Variants in GABRG3 observed in about 807,000 individuals in gnomAD.
The protein encoded by GABRG3 is gamma-aminobutyric acid type A receptor subunit gamma3, also known as gamma-aminobutyric acid receptor subunit gamma-3.
Under a neutral mutation model 48.8 loss-of-function variants are expected in GABRG3, and 25 were observed. The observed-to-expected ratio is 0.51, with a 90% CI of 0.37 to 0.72. The LOEUF is 0.72. GABRG3 is among the 30% of genes least tolerant of loss of function. GABRG3 has a pLI of 0.00. For synonymous variants in GABRG3, 227 were observed against 217.6 expected, an observed-to-expected ratio of 1.04 and a Z score of -0.38; for missense variants, 394 against 577.9, an observed-to-expected ratio of 0.68 and a Z score of 3.26.
chr15:27,460,304 G>A (rs1338140896), intron 5 of GABRG3, among the ~76,000 whole-genome samples: 4 of 152,172 alleles, frequency 2.6e-5, no homozygotes, highest in Admixed American at 6.6e-5. Context: ...CATGCCACCC[G>A]TGTCCCTGCT....
At chr15:27,391,779 A>G (rs1005939126) in intron 5 of GABRG3, among the ~76,000 whole-genome samples, 10 of 152,210 alleles carry the variant, frequency 6.6e-5, no homozygotes, top group Admixed American at 5.9e-4. Context: ...CACAGTAATT[A>G]TTTTAAATTC....
chr15:27,200,711 A>T (rs1419559722), intron 3 of GABRG3, among the ~76,000 whole-genome samples: 1 of 152,204 alleles, frequency 6.6e-6, no homozygotes, highest in African/African-American at 2.4e-5. Flanking sequence ...CAGTGAAAGC[A>T]GCTGTAACTT....
chr15:27,197,068 G>A (rs571367887), intron 3 of GABRG3, among the ~76,000 whole-genome samples: 98 of 152,286 alleles, frequency 6.4e-4, no homozygotes, highest in African/African-American at 2.2e-3. Context: ...TGGATAGAAC[G>A]ATCCTTCTCA....
chr15:27,231,010 TGTG>T (rs1310636827), intron 3 of GABRG3, among the ~76,000 whole-genome samples: 1 of 33,120 alleles, frequency 3.0e-5, no homozygotes, highest in East Asian at 1.9e-3. Flanking sequence ...AACAGTAAAA[TGTG>T]TGTGTGTGTG....
intron 3 of GABRG3, among the ~76,000 whole-genome samples, chr15:27,097,336 A>G (rs977445808): frequency 6.6e-6 from 1 of 152,090 alleles, no homozygotes; most frequent in Non-Finnish European, 1.5e-5. Flanking sequence ...CTTGGGGCTT[A>G]GAAAGAGGGC....
intron 3 of GABRG3, among the ~76,000 whole-genome samples, chr15:27,308,894 T>C (rs1892879310): frequency 6.6e-6 from 1 of 150,432 alleles, no homozygotes; most frequent in Admixed American, 6.6e-5. Flanking sequence ...TAAACATGTT[T>C]ATATGAAAAC....
chr15:27,043,472 G>A (rs1300102927), intron 3 of GABRG3, among the ~76,000 whole-genome samples: 1 of 152,068 alleles, frequency 6.6e-6, no homozygotes, highest in East Asian at 1.9e-4. Flanking sequence ...CGTCAGAAGG[G>A]GCCAGCTCAC....
rs1891595610 is a variant in GABRG3 at position 27,538,339 on chromosome 15, G to C, written c.*5458G>C. ...TCAATGTTTTGAGTTAACCAAGTGG[G>C]CTTTTCAGATTAGGTTATTCAAGAG... On this transcript the variant is annotated 3_prime_UTR_variant, in exon 10 of 10. Transcript: ENST00000615808. 1 of 152,168 alleles carries C rather than the reference G, an allele frequency of 6.6e-6. No homozygotes were observed. Among genetic ancestry groups the C allele is most frequent in the South Asian group, 2.1e-4 (1 of 4,832 alleles). The allele number at this position is 152,168 out of a possible 1,614,324, so 9.4% of individuals were successfully genotyped here.
chr15:26,982,491 A>G (rs1895073932), intron 2 of GABRG3, among the ~76,000 whole-genome samples: 1 of 152,230 alleles, frequency 6.6e-6, no homozygotes, highest in Non-Finnish European at 1.5e-5. Context: ...CACTATTTGT[A>G]GAAAACTCAA....
chr15:27,410,255 T>C (rs868515767), intron 5 of GABRG3, among the ~76,000 whole-genome samples: 1 of 152,178 alleles, frequency 6.6e-6, no homozygotes, highest in African/African-American at 2.4e-5. Context: ...ATAAATCCCA[T>C]TTTGGGGTTG....
intron 5 of GABRG3, among the ~76,000 whole-genome samples, chr15:27,426,678 A>G (rs1455661628): frequency 6.6e-6 from 1 of 152,124 alleles, no homozygotes; most frequent in Non-Finnish European, 1.5e-5. Context: ...AATAAAAAAT[A>G]AAATTTAGTT....
intron 5 of GABRG3, among the ~76,000 whole-genome samples, chr15:27,360,799 C>T (rs1894996055): frequency 6.6e-6 from 1 of 152,222 alleles, no homozygotes; most frequent in South Asian, 2.1e-4. Flanking sequence ...AACCTGTCTG[C>T]CTCAGGCAGG....
At chr15:27,400,266 T>C (rs151329846) in intron 5 of GABRG3, among the ~76,000 whole-genome samples, 385 of 152,344 alleles carry the variant, frequency 2.5e-3, no homozygotes, top group African/African-American at 8.5e-3. Context: ...TCTTAAACTA[T>C]GTTGTGAGAA....
intron 5 of GABRG3, among the ~76,000 whole-genome samples, chr15:27,403,962 C>G (rs1263449524): frequency 6.6e-6 from 1 of 150,630 alleles, no homozygotes. Flanking sequence ...TAGCTCACGC[C>G]TGTAGTCCCA....
intron 6 of GABRG3, among the ~76,000 whole-genome samples, chr15:27,496,822 G>GTTTGGTGA (rs911942291): frequency 6.6e-6 from 1 of 152,190 alleles, no homozygotes; most frequent in Non-Finnish European, 1.5e-5. Context: ...GTAGAAAAAT[G>GTTTGGTGA]TTTGGTGATT....
chr15:26,985,650 C>A (rs1347210039), intron 2 of GABRG3, among the ~76,000 whole-genome samples: 1 of 151,992 alleles, frequency 6.6e-6, no homozygotes, highest in South Asian at 2.1e-4. Flanking sequence ...CGAAGCCCCC[C>A]ACTTGCATTT....
chr15:27,051,780 A>T (rs1273022996), intron 3 of GABRG3, among the ~76,000 whole-genome samples: 1 of 152,232 alleles, frequency 6.6e-6, no homozygotes, highest in African/African-American at 2.4e-5. Context: ...TGAAATAATT[A>T]TACAACTTAT....
chr15:27,072,625 G>A (rs954020375), intron 3 of GABRG3, among the ~76,000 whole-genome samples: 1 of 152,160 alleles, frequency 6.6e-6, no homozygotes, highest in African/African-American at 2.4e-5. Context: ...GGAACAGGTC[G>A]GGGGCAGTGC....
intron 3 of GABRG3, among the ~76,000 whole-genome samples, chr15:27,209,771 A>G (rs1397386680): frequency 6.6e-6 from 1 of 152,248 alleles, no homozygotes; most frequent in Non-Finnish European, 1.5e-5. Context: ...CTCAAACAGC[A>G]CACATCTCCT....
Sources: allele counts gnomAD v4.1 joint callset (sites outside exome capture counted in the v4.1 genomes callset), GRCh38; gene constraint gnomAD v4.1.1; transcripts MANE v1.5; gene names NCBI Gene and HGNC (gene_info 2026-07-23, HGNC 2026-07-21).